Variants in UHRF1 observed in about 807,000 individuals in gnomAD.
UHRF1 encodes the protein ubiquitin like with PHD and ring finger domains 1.
In UHRF1, 9 loss-of-function variants were observed where a neutral mutation model predicts 96.5. That is an observed-to-expected ratio of 0.09 (90% confidence interval 0.06 to 0.16). The LOEUF is 0.16. Ranked by LOEUF, UHRF1 falls within the 10% of genes least tolerant of loss-of-function variation. The probability of loss-of-function intolerance (pLI) is 1.00; values close to 1 mark genes in which losing one functional copy is unlikely to be tolerated. For missense variants in UHRF1, 626 were observed against 1,131.1 expected, an observed-to-expected ratio of 0.55 and a Z score of 6.40; for synonymous variants, 455 against 469.9, an observed-to-expected ratio of 0.97 and a Z score of 0.41.
intron 1 of UHRF1, among the ~76,000 whole-genome samples, chr19:4,904,379 T>C (rs112029523): frequency 0.014 from 2,134 of 152,122 alleles, 42 homozygotes; most frequent in African/African-American, 0.048. Context: ...CGGGGTTTCA[T>C]CATGTTAGCC....
rs141728963 is a variant in UHRF1 at position 4,952,430 on chromosome 19, C to G, written c.1818+1434C>G. ...TTTTTTTTGGAGACAGAGTCTCACT[C>G]TGTCGCCCAGGCTGGAGTGCAGGCA... On this transcript the variant is annotated intron_variant, in intron 13 of 16. Transcript: ENST00000650932. Among the ~76,000 whole-genome samples the G allele has an allele frequency of 7.0e-3, 924 of 132,192 alleles. 10 individuals carry two copies. The highest frequency in any genetic ancestry group is 0.026 in the African/African-American group (884 of 34,590). 86.7% of individuals were successfully genotyped at this position (132,192 alleles called of 152,430 possible). A position where few individuals can be genotyped will look rare whatever the true frequency, so the allele number is the denominator to read the frequency against.
intron 5 of UHRF1, among the ~76,000 whole-genome samples, chr19:4,938,255 ACTGT>A (rs1415928294): frequency 6.6e-6 from 1 of 151,554 alleles, no homozygotes; most frequent in Non-Finnish European, 1.5e-5. Context: ...TGCTTATGTG[ACTGT>A]CTGGACTATC....
rs2032370372 is a variant in UHRF1, at chr19:4,913,585, T to A, written c.153+2547T>A. Among the ~76,000 whole-genome samples, 2 of 151,976 alleles carry A rather than the reference T, an allele frequency of 1.3e-5. 1 individual carries two copies. Among genetic ancestry groups the A allele is most frequent in the South Asian group, 4.2e-4 (2 of 4,814 alleles). On this transcript the variant is annotated intron_variant, in intron 2 of 16. Transcript: ENST00000650932. ...CATTGTGCTTTTAATTGTCAGGATG[T>A]CCGCAGTGATGACACCTGGCCCTAG...
intron 2 of UHRF1, among the ~76,000 whole-genome samples, chr19:4,918,374 G>A (rs1361080070): frequency 6.6e-6 from 1 of 151,512 alleles, no homozygotes; most frequent in African/African-American, 2.4e-5. Context: ...CACCCACCTT[G>A]GCCTCCCAAA....
At chr19:4,909,385 C>T, upstream of UHRF1, 2 of 632,704 alleles carry the variant, frequency 3.2e-6, no homozygotes, top group Non-Finnish European at 5.7e-6. Context: ...CGCCCCCCAC[C>T]CTCTTTCTCG....
At position 4,954,066 on chromosome 19, in the gene UHRF1, C is replaced by T. The variant is rs1166217126; in HGVS notation, c.1819-284C>T. Among the ~76,000 whole-genome samples the T allele has an allele frequency of 6.6e-6, 1 of 152,086 alleles. No homozygotes were observed. Among genetic ancestry groups the T allele is most frequent in the Non-Finnish European group, 1.5e-5 (1 of 68,022 alleles). On this transcript the variant is annotated intron_variant, in intron 13 of 16. Coordinates refer to ENST00000650932, the MANE Select transcript of UHRF1 (RefSeq NM_001048201.3). This position sits in a 1 kb window ranked among gnomAD's most constrained non-coding sequence, Gnocchi z 5.9. Reference sequence around the variant, plus strand: ...GCTGTAAAGGGGGAGGAAGGGGCCCCGAGCCGAGGGATGCAGCGCCTCTAG... The same window carrying T: ...GCTGTAAAGGGGGAGGAAGGGGCCCTGAGCCGAGGGATGCAGCGCCTCTAG...
chr19:4,955,478 G>A (rs1055857444), intron 15 of UHRF1, among the ~76,000 whole-genome samples: 1 of 152,060 alleles, frequency 6.6e-6, no homozygotes, highest in Admixed American at 6.6e-5. Flanking sequence ...CCAGCTCCAG[G>A]TCCTTCACTC....
chr19:4,944,073 C>T (rs1169541407), intron 7 of UHRF1, 59 bp from the exon 8 acceptor site: 6 of 1,601,648 alleles, frequency 3.7e-6, no homozygotes, highest in South Asian at 1.1e-5. Flanking sequence ...GCAGAGGGCA[C>T]ATGTTGGCTG....
chr19:4,903,929 A>G (rs1259948548), intron 1 of UHRF1, among the ~76,000 whole-genome samples: 1 of 152,156 alleles, frequency 6.6e-6, no homozygotes, highest in African/African-American at 2.4e-5. Context: ...GTGTGTGCTT[A>G]ATCTGAACAT....
At chr19:4,929,687 G>A (rs2032988668) in intron 3 of UHRF1, among the ~76,000 whole-genome samples, 1 of 151,618 alleles carries the variant, frequency 6.6e-6, no homozygotes. Context: ...AGTCCTGTTC[G>A]GGGCCTGCAG....
chr19:4,910,683 T>A (rs1465650621), intron 1 of UHRF1, 193 bp from the exon 2 acceptor site: 6 of 471,246 alleles, frequency 1.3e-5, no homozygotes, highest in Non-Finnish European at 2.2e-5. Flanking sequence ...TGGCTAGTCG[T>A]TAATGCCTTA....
intron 2 of UHRF1, among the ~76,000 whole-genome samples, chr19:4,924,429 G>A (rs547655180): frequency 6.6e-6 from 1 of 151,996 alleles, no homozygotes; most frequent in Admixed American, 6.6e-5. Flanking sequence ...GATTATAGGC[G>A]TGAGCCACCG....
At chr19:4,958,991 A>T (rs994348589) in intron 16 of UHRF1, among the ~76,000 whole-genome samples, 1 of 150,378 alleles carries the variant, frequency 6.6e-6, no homozygotes, top group Non-Finnish European at 1.5e-5. Flanking sequence ...TGAAAAAAAC[A>T]TTCAGAGACA....
Position 4,932,815 on chromosome 19 carries a change from A to T in UHRF1, c.644A>T (p.Gln215Leu). The change falls in exon 5 of 17, where the codon CAG (glutamine) becomes CTG (leucine). Residue 215 changes from glutamine to leucine, a missense_variant. Gln to Leu is a moderately radical substitution (Grantham distance 113). Transcript: ENST00000650932. ...RARARTIIKW[Q>L]DLEVGQVVML... Reference sequence around the variant, plus strand: ...CGCGCCCGCACCATCATCAAGTGGCAGGACCTGGAGGTGGGCCAGGTGGTC... The same window carrying T: ...CGCGCCCGCACCATCATCAAGTGGCTGGACCTGGAGGTGGGCCAGGTGGTC... 1 of 1,613,910 alleles carries T rather than the reference A, an allele frequency of 6.2e-7. No individual in the cohort carries two copies. The highest frequency in any genetic ancestry group is 8.5e-7 in the Non-Finnish European group (1 of 1,179,898).
At chr19:4,912,231 A>G (rs1794359866) in intron 2 of UHRF1, among the ~76,000 whole-genome samples, 1 of 152,190 alleles carries the variant, frequency 6.6e-6, no homozygotes, top group African/African-American at 2.4e-5. Context: ...GAGAAGAGGC[A>G]GGGCCGGGCT....
At chr19:4,922,185 G>A (rs184557482) in intron 2 of UHRF1, among the ~76,000 whole-genome samples, 9 of 152,234 alleles carry the variant, frequency 5.9e-5, no homozygotes. Flanking sequence ...GATCTCAAGT[G>A]ATCTGCCTGC....
chr19:4,934,280 C>A (rs2602696), intron 5 of UHRF1, among the ~76,000 whole-genome samples: 2 of 151,884 alleles, frequency 1.3e-5, no homozygotes, highest in African/African-American at 4.8e-5. Context: ...GTGATTCGCC[C>A]GCCTCAGCCT....
chr19:4,918,575 C>T (rs915921931), intron 2 of UHRF1, among the ~76,000 whole-genome samples: 12 of 151,096 alleles, frequency 7.9e-5, no homozygotes, highest in Non-Finnish European at 1.3e-4. Context: ...CCACCATGCC[C>T]GGCTAATTTT....
In UHRF1 at chr19:4,930,668, A is replaced by C. The variant is rs769944268; in HGVS notation, c.409-48A>C. The C allele has an allele frequency of 1.9e-6, 3 of 1,591,912 alleles. No homozygotes were observed. The highest frequency in any genetic ancestry group is 2.7e-5 in the African/African-American group (2 of 74,552). On this transcript the variant is annotated intron_variant, in intron 3 of 16. Coordinates refer to ENST00000650932, the MANE Select transcript of UHRF1 (RefSeq NM_001048201.3). The surrounding 1 kb of genome is among the most constrained non-coding windows in gnomAD (Gnocchi z 4.4). ...CCGAGAACCAAGGTGGTCTCCCGTCAGTTTTCCTCACCCCGTTGGGATGCC... is the reference window on the plus strand; with the variant it reads ...CCGAGAACCAAGGTGGTCTCCCGTCCGTTTTCCTCACCCCGTTGGGATGCC...
Sources: gnomAD v4.1 joint callset for allele counts (sites outside exome capture counted in the v4.1 genomes callset) on GRCh38, gnomAD v4.1.1 for gene constraint, Gnocchi (gnomAD v3.1) non-coding constraint, MANE v1.5 for transcripts, NCBI Gene and HGNC (gene_info 2026-07-23, HGNC 2026-07-21) for gene names.